The following TPTE2 variants were observed in gnomAD, a reference collection of about 807,000 sequenced individuals.
The protein encoded by TPTE2 is transmembrane phosphoinositide 3-phosphatase and tensin homolog 2.
In TPTE2, 53 loss-of-function variants were observed where a neutral mutation model predicts 78.6. The observed-to-expected ratio is 0.67, with a 90% CI of 0.54 to 0.85. TPTE2 has a LOEUF of 0.85. Among genes scored for constraint, TPTE2 ranks in the 40% least tolerant of loss-of-function variants. The probability of loss-of-function intolerance (pLI) is 0.00; values close to 1 mark genes in which losing one functional copy is unlikely to be tolerated. For synonymous variants in TPTE2, 175 were observed against 206.2 expected (o/e 0.85, Z 1.30); for missense variants, 461 against 623.0 (o/e 0.74, Z 2.77).
At chr13:19,546,455 T>G in the TPTE2 span, among the ~76,000 whole-genome samples, 2 of 151,468 alleles carry the variant, frequency 1.3e-5, no homozygotes, top group Admixed American at 1.3e-4. Flanking sequence ...ATTTAGTTAG[T>G]TTGATTTTTG....
At chr13:19,493,275 C>T (rs1332853539) in intron 2 of TPTE2, among the ~76,000 whole-genome samples, 173 bp downstream of exon 5, 1 of 151,358 alleles carries the variant, frequency 6.6e-6, no homozygotes, top group Admixed American at 6.6e-5. Context: ...ATGTTTCCAT[C>T]ATGTGCATGG....
intron 1 of TPTE2, among the ~76,000 whole-genome samples, chr13:19,527,617 G>A (rs1004791931): frequency 6.6e-6 from 1 of 152,214 alleles, no homozygotes; most frequent in Non-Finnish European, 1.5e-5. Flanking sequence ...GCTCACGCCT[G>A]TAATCCCAGC....
At chr13:19,537,755 A>C (rs1232286920), upstream of TPTE2, among the ~76,000 whole-genome samples, 1 of 151,056 alleles carries the variant, frequency 6.6e-6, no homozygotes, top group Non-Finnish European at 1.5e-5. Flanking sequence ...GGTGCCCACG[A>C]CCATGCCCAG....
rs568033677 is a variant in TPTE2, at chr13:19,442,638, G to T, written c.974-4485C>A. 9.2e-4 allele frequency among the ~76,000 whole-genome samples: 140 copies of T among 151,878 alleles called. 1 individual carries two copies. Among genetic ancestry groups the T allele is most frequent in the African/African-American group, 3.2e-3 (134 of 41,444 alleles). ...GGCCAAAAATTTGGTTCTTTTAAAA[G>T]ACTAGTAAAATTGATAAATCCCTGG... On this transcript the variant is annotated intron_variant, in intron 13 of 19. Transcript: ENST00000400230.
the TPTE2 span, chr13:19,561,052 C>T: frequency 1.3e-6 from 2 of 1,575,424 alleles, no homozygotes; most frequent in South Asian, 1.2e-5. Context: ...AGCTGAGCAC[C>T]AGCTTCCCAC....
chr13:19,489,142 G>C (rs1003106722), intron 3 of TPTE2, among the ~76,000 whole-genome samples: 1 of 152,130 alleles, frequency 6.6e-6, no homozygotes, highest in Non-Finnish European at 1.5e-5. Flanking sequence ...GGCATGGTTC[G>C]TGTTGCCCCA....
intron 17 of TPTE2, among the ~76,000 whole-genome samples, chr13:19,428,347 C>G (rs942197901): frequency 6.6e-6 from 1 of 151,840 alleles, no homozygotes; most frequent in Non-Finnish European, 1.5e-5. Flanking sequence ...ACTTGGGAGG[C>G]GGAGGCAGGA....
At chr13:19,554,428 G>T in the TPTE2 span, among the ~76,000 whole-genome samples, 5 of 147,850 alleles carry the variant, frequency 3.4e-5, no homozygotes, top group African/African-American at 1.2e-4. Flanking sequence ...AATAAATGAG[G>T]ATTGTATAGT....
chr13:19,529,629 C>A (rs1307842147), intron 1 of TPTE2, among the ~76,000 whole-genome samples: 1 of 152,140 alleles, frequency 6.6e-6, no homozygotes, highest in Non-Finnish European at 1.5e-5. Context: ...TGACTCCCTT[C>A]CCCTACTTTC....
At chr13:19,478,960 G>A (rs1880145361) in intron 4 of TPTE2, among the ~76,000 whole-genome samples, 1 of 152,050 alleles carries the variant, frequency 6.6e-6, no homozygotes, top group South Asian at 2.1e-4. Flanking sequence ...ATTGAACAAT[G>A]AGAACCCTTG....
intron 3 of TPTE2, among the ~76,000 whole-genome samples, chr13:19,491,267 G>T (rs1880973179): frequency 6.6e-6 from 1 of 152,128 alleles, no homozygotes; most frequent in African/African-American, 2.4e-5. Flanking sequence ...TCATTTCACT[G>T]AAGACAGTGC....
intron 14 of TPTE2, 134 bp from the exon 18 acceptor site, chr13:19,436,440 T>A (rs769001912): frequency 1.1e-5 from 9 of 810,840 alleles, no homozygotes; most frequent in African/African-American, 1.7e-5. Flanking sequence ...TTTGGTAGAG[T>A]CTTGCTCTGC....
At chr13:19,459,450 C>T (rs149489234) in intron 10 of TPTE2, among the ~76,000 whole-genome samples, 1 of 152,168 alleles carries the variant, frequency 6.6e-6, no homozygotes, top group Admixed American at 6.5e-5. Flanking sequence ...TTGGGCATTC[C>T]CACCATCAGG....
At chr13:19,423,005 C>G in exon 20 of TPTE2, 1 of 1,593,108 alleles carries the variant, frequency 6.3e-7, no homozygotes, top group East Asian at 2.3e-5. Flanking sequence ...TAATTCTTTC[C>G]CAGAAGGGGA....
chr13:19,475,132 A>G (rs1441299962), intron 5 of TPTE2, among the ~76,000 whole-genome samples: 2 of 152,178 alleles, frequency 1.3e-5, no homozygotes, highest in Non-Finnish European at 2.9e-5. Flanking sequence ...TGGACAGTGG[A>G]AATGCTCTTT....
intron 2 of TPTE2, 152 bp from the exon 6 acceptor site, chr13:19,493,055 G>C: frequency 9.5e-7 from 1 of 1,056,406 alleles, no homozygotes; most frequent in Non-Finnish European, 1.4e-6. Context: ...GGAACTAAGG[G>C]TGGCAATTAC....
intron 17 of TPTE2, among the ~76,000 whole-genome samples, chr13:19,429,433 G>A (rs1282166955): frequency 3.3e-5 from 5 of 152,220 alleles, no homozygotes; most frequent in Non-Finnish European, 2.9e-5. Flanking sequence ...GGTGCCATTT[G>A]CAGAGGCAGA....
chr13:19,470,181 T>C (rs1879516517), intron 6 of TPTE2, among the ~76,000 whole-genome samples: 1 of 152,210 alleles, frequency 6.6e-6, no homozygotes, highest in Non-Finnish European at 1.5e-5. Context: ...ATATGGTTTT[T>C]ATTATGTTTA....
At chr13:19,534,299 ATCACCTTTG>A (rs1871071593) in intron 1 of TPTE2, among the ~76,000 whole-genome samples, 1 of 152,248 alleles carries the variant, frequency 6.6e-6, no homozygotes, top group African/African-American at 2.4e-5. Flanking sequence ...CTGAATGTGC[ATCACCTTTG>A]GAACCATCAT....
Sources: allele counts gnomAD v4.1 joint callset (sites outside exome capture counted in the v4.1 genomes callset), GRCh38; gene constraint gnomAD v4.1.1; transcripts MANE v1.5; gene names NCBI Gene and HGNC (gene_info 2026-07-23, HGNC 2026-07-21).